The following IQSEC3 variants were observed in gnomAD, a reference collection of about 807,000 sequenced individuals.
The protein encoded by IQSEC3 is IQ motif and SEC7 domain-containing protein 3.
A neutral mutation model predicts 105.4 loss-of-function variants in IQSEC3; 50 were observed. That is an observed-to-expected ratio of 0.47 (90% CI 0.38 to 0.60). The LOEUF (loss-of-function observed/expected upper bound fraction) is 0.60. Among genes scored for constraint, IQSEC3 ranks in the 20% least tolerant of loss-of-function variants. The pLI is 0.00. For synonymous variants in IQSEC3, 708 were observed against 746.0 expected, an observed-to-expected ratio of 0.95 and a Z score of 0.83; for missense variants, 1,415 against 1,630.0, an observed-to-expected ratio of 0.87 and a Z score of 2.27.
intron 1 of IQSEC3, among the ~76,000 whole-genome samples, chr12:80,352 C>G (rs946830807): frequency 3.3e-5 from 5 of 152,226 alleles, no homozygotes; most frequent in Admixed American, 6.5e-5. Flanking sequence ...GCATCTGGCT[C>G]TAAACCAGCT....
intron 2 of IQSEC3, among the ~76,000 whole-genome samples, chr12:102,845 G>T (rs143690454): frequency 6.6e-6 from 1 of 152,182 alleles, no homozygotes; most frequent in Non-Finnish European, 1.5e-5. Flanking sequence ...GAGCAGCTAC[G>T]GGGCTGGCAA....
chr12:80,521 T>G (rs1206464704), intron 1 of IQSEC3, among the ~76,000 whole-genome samples: 1 of 152,252 alleles, frequency 6.6e-6, no homozygotes. Flanking sequence ...TTCTTGTGGC[T>G]TAGAAAAGCT....
At position 89,924 on chromosome 12, in the gene IQSEC3, G is replaced by A. The variant is rs79746138; in HGVS notation, c.555-9222G>A. Among the ~76,000 whole-genome samples, 639 of 152,196 alleles carry A rather than the reference G, an allele frequency of 4.2e-3. 5 individuals carry two copies. The highest frequency in any genetic ancestry group is 0.027 in the East Asian group (140 of 5,186). ...ATCAGTATAACTTTTTGTTTATCTT[G>A]GGTAAATACCTAGGAATGCAATTGG... On this transcript the variant is annotated intron_variant, in intron 1 of 13. Transcript: ENST00000538872.
At position 92,774 on chromosome 12, in the gene IQSEC3, C is replaced by T. The variant is rs573791386; in HGVS notation, c.555-6372C>T. On this transcript the variant is annotated intron_variant, in intron 1 of 13. Transcript: ENST00000538872. Reference sequence around the variant, plus strand: ...CATGCCACCATCTGCCCTGGTGTGACGATTCAGGTACAGAGAGCTGAGCGT... The same window carrying T: ...CATGCCACCATCTGCCCTGGTGTGATGATTCAGGTACAGAGAGCTGAGCGT... 4.6e-5 allele frequency among the ~76,000 whole-genome samples: 7 copies of T among 152,300 alleles called. No homozygotes were observed. In the East Asian group the frequency reaches 7.7e-4, roughly 17 times the overall value.
Position 175,043 on chromosome 12 carries a change from C to T in IQSEC3, c.*10C>T, listed in dbSNP as rs576830058. On this transcript the variant is annotated 3_prime_UTR_variant, in exon 14 of 14. Transcript: ENST00000538872. ...AAGGAGCCTGGTGTAGACTCTGCCC[C>T]ACCACCCTGCTGTCCTGGGAGGGCT... The T allele has an allele frequency of 9.9e-6, 15 of 1,509,758 alleles. No homozygotes were observed. The African/African-American group carries it at 1.6e-4, about 17-fold the overall frequency. The allele number at this position is 1,509,758 out of a possible 1,614,324, so 93.5% of individuals were successfully genotyped here.
At chr12:72,826 C>T (rs1863371189) in intron 1 of IQSEC3, among the ~76,000 whole-genome samples, 1 of 114,514 alleles carries the variant, frequency 8.7e-6, no homozygotes, top group Admixed American at 9.6e-5. Flanking sequence ...GGGCAGATCA[C>T]AAGGTCAGGA....
intron 13 of IQSEC3, among the ~76,000 whole-genome samples, chr12:171,701 G>A (rs1384996981): frequency 6.6e-6 from 1 of 152,202 alleles, no homozygotes; most frequent in African/African-American, 2.4e-5. Flanking sequence ...CAGGTGGGAG[G>A]GGGAACTCCT....
intron 2 of IQSEC3, among the ~76,000 whole-genome samples, chr12:116,723 C>T (rs1865060848): frequency 6.6e-6 from 1 of 152,174 alleles, no homozygotes; most frequent in South Asian, 2.1e-4. Context: ...ACCCTGACTG[C>T]TCCTGAGGCT....
At position 138,513 on chromosome 12, in the gene IQSEC3, T is replaced by C. The variant is rs973535314; in HGVS notation, c.1150T>C (p.Ser384Pro). ...CCTCGTGGGGCTGCCGCTGGTGCGC[T>C]CGCCCTCCCTGCCGCCCACCTTCGC... ...YGLVGLPLVRSPSLPPTFAGT... is the reference protein window; with the variant it reads ...YGLVGLPLVRPPSLPPTFAGT... The change falls in exon 4 of 14, where the codon TCG (serine) becomes CCG (proline). Residue 384 changes from serine (S) to proline (P), a missense_variant. Ser to Pro is a moderately conservative substitution (Grantham distance 74, BLOSUM62 -1). This residue lies in a region of IQSEC3 where 720 missense variants were observed against 633.0 expected (regional missense o/e 1.14). Transcript: ENST00000538872. The surrounding 1 kb of genome is among the most constrained non-coding windows in gnomAD (Gnocchi z 7.1). The C allele has an allele frequency of 8.9e-6, 14 of 1,580,274 alleles. No homozygotes were observed. Among genetic ancestry groups the C allele is most frequent in the African/African-American group, 1.3e-5 (1 of 74,214 alleles).
intron 2 of IQSEC3, 37 bp from the exon 3 acceptor site, chr12:125,596 T>A (rs1555083002): frequency 2.0e-6 from 3 of 1,463,622 alleles, no homozygotes; most frequent in Non-Finnish European, 2.7e-6. Context: ...CCTGTCGCCC[T>A]CTCCCCCAAC....
Position 177,478 on chromosome 12 carries a change from C to T in IQSEC3, c.*2445C>T, listed in dbSNP as rs1939274860. On this transcript the variant is annotated 3_prime_UTR_variant, in exon 14 of 14. Coordinates refer to ENST00000538872, the MANE Select transcript of IQSEC3 (RefSeq NM_001170738.2). The surrounding 1 kb of genome is among the most constrained non-coding windows in gnomAD (Gnocchi z 5.3). ...CCGGACTCTCAGGCACCTCAGTGCC[C>T]CTGCCCCAGGGCAGAGGCCCACCCC... The T allele has an allele frequency of 6.6e-6, 1 of 152,302 alleles. No individual in the cohort carries two copies. Among genetic ancestry groups the T allele is most frequent in the East Asian group, 1.9e-4 (1 of 5,192 alleles). The allele number at this position is 152,302 out of a possible 1,614,324, so 9.4% of individuals were successfully genotyped here.
At position 74,829 on chromosome 12, in the gene IQSEC3, C is replaced by T. The variant is rs141860905; in HGVS notation, c.554+7393C>T. On this transcript the variant is annotated intron_variant, in intron 1 of 13. Coordinates refer to ENST00000538872, the MANE Select transcript of IQSEC3 (RefSeq NM_001170738.2). ...CATTTGGCAAATGAGAAAACTAAGG[C>T]CTGAGGAGGAAGTGACTGTTGCTTC... Among the ~76,000 whole-genome samples, 701 of 152,346 alleles carry T rather than the reference C, an allele frequency of 4.6e-3. 3 individuals are homozygous for T. Among genetic ancestry groups the T allele is most frequent in the African/African-American group, 0.016 (670 of 41,556 alleles).
intron 2 of IQSEC3, among the ~76,000 whole-genome samples, chr12:108,416 C>A (rs1293240961): frequency 6.6e-6 from 1 of 152,154 alleles, no homozygotes; most frequent in Non-Finnish European, 1.5e-5. Context: ...GGTAATCTAC[C>A]TTTTTCTCAT....
At chr12:71,715 G>T (rs547484286) in intron 1 of IQSEC3, among the ~76,000 whole-genome samples, 3 of 152,386 alleles carry the variant, frequency 2.0e-5, no homozygotes, top group Admixed American at 2.0e-4. Flanking sequence ...CTATCACTAG[G>T]TGAGGACAGT....
At chr12:88,411 G>T (rs1295697324) in intron 1 of IQSEC3, among the ~76,000 whole-genome samples, 1 of 152,226 alleles carries the variant, frequency 6.6e-6, no homozygotes, top group African/African-American at 2.4e-5. Context: ...TAAAGGGGCA[G>T]GTCACTGTTT....
In IQSEC3 at chr12:138,403, TGCCA is replaced by T; in HGVS notation, c.1041_1044del (p.Pro348GlyfsTer134). ...CGCAACTCGCTTCTGGAGAGCCGCCTGCCACGGCGGATCTCCCTGCGCAAGGTGC... is the reference window on the plus strand; with the variant it reads ...CGCAACTCGCTTCTGGAGAGCCGCCTCGGCGGATCTCCCTGCGCAAGGTGC... On this transcript the variant is annotated frameshift_variant, in exon 4 of 14. Coordinates refer to ENST00000538872, the MANE Select transcript of IQSEC3 (RefSeq NM_001170738.2). LOFTEE classifies it high-confidence loss of function. This position sits in a 1 kb window ranked among gnomAD's most constrained non-coding sequence, Gnocchi z 7.1. 1 of 1,610,184 alleles carries T rather than the reference TGCCA, an allele frequency of 6.2e-7. No homozygotes were observed. The highest frequency in any genetic ancestry group is 8.5e-7 in the Non-Finnish European group (1 of 1,179,856).
chr12:86,967 C>A (rs1863936924), intron 1 of IQSEC3, among the ~76,000 whole-genome samples: 2 of 152,116 alleles, frequency 1.3e-5, no homozygotes, highest in South Asian at 4.2e-4. Flanking sequence ...GAAAGGGCCT[C>A]CATGAAATTC....
intron 1 of IQSEC3, among the ~76,000 whole-genome samples, chr12:80,019 C>G (rs1863691723): frequency 6.6e-6 from 1 of 152,162 alleles, no homozygotes; most frequent in Non-Finnish European, 1.5e-5. Flanking sequence ...TTTTTAATAG[C>G]CGCAAAATAT....
At chr12:78,043 C>T (rs868935088) in intron 1 of IQSEC3, among the ~76,000 whole-genome samples, 1,757 of 151,336 alleles carry the variant, frequency 0.012, 22 homozygotes, top group Middle Eastern at 0.045. Context: ...CCACAGCCTC[C>T]GCGCGCCCCC....
Sources: gnomAD v4.1 joint callset for allele counts (sites outside exome capture counted in the v4.1 genomes callset) on GRCh38, gnomAD v4.1.1 for gene constraint, gnomAD v4.1.1 regional missense constraint, Gnocchi (gnomAD v3.1) non-coding constraint, MANE v1.5 for transcripts, NCBI Gene and HGNC (gene_info 2026-07-23, HGNC 2026-07-21) for gene names.